PCDHGA4: variants seen among roughly 807,000 people sequenced by gnomAD.
PCDHGA4 encodes the protein protocadherin gamma subfamily A, 4.
A neutral mutation model predicts 54.6 loss-of-function variants in PCDHGA4; 38 were observed. The observed-to-expected ratio is 0.70, with a 90% CI of 0.54 to 0.91. PCDHGA4 has a LOEUF of 0.91. Ranked by LOEUF, PCDHGA4 falls within the 40% of genes least tolerant of loss-of-function variation. PCDHGA4 has a pLI of 0.00. For missense variants in PCDHGA4, 1,298 were observed against 1,220.9 expected (o/e 1.06, Z -0.94); for synonymous variants, 511 against 512.9 (o/e 1.00, Z 0.05).
At chr5:141,469,511 G>T (rs2099203340) in intron 1 of PCDHGA4, among the ~76,000 whole-genome samples, 2 of 152,038 alleles carry the variant, frequency 1.3e-5, no homozygotes, top group South Asian at 2.1e-4. Flanking sequence ...GGAGGTGGAG[G>T]TTGCAGTGAG....
intron 1 of PCDHGA4, among the ~76,000 whole-genome samples, chr5:141,473,404 T>A (rs953797915): frequency 6.6e-6 from 1 of 152,226 alleles, no homozygotes; most frequent in Non-Finnish European, 1.5e-5. Flanking sequence ...TCTTTTTTTC[T>A]TCTTCAGTGG....
At chr5:141,443,029 C>T (rs1281303741) in intron 1 of PCDHGA4, among the ~76,000 whole-genome samples, 3 of 152,192 alleles carry the variant, frequency 2.0e-5, no homozygotes, top group Non-Finnish European at 2.9e-5. Flanking sequence ...AGTTGCCAGA[C>T]CTAAACTTTG....
intron 1 of PCDHGA4, chr5:141,371,250 A>G: frequency 6.2e-7 from 1 of 1,614,054 alleles, no homozygotes; most frequent in Non-Finnish European, 8.5e-7. Context: ...CAATATTGGC[A>G]AGGAAGTGAG....
At chr5:141,370,954 A>G (rs1326457567) in intron 1 of PCDHGA4, 2 of 1,613,992 alleles carry the variant, frequency 1.2e-6, no homozygotes, top group Non-Finnish European at 1.7e-6. Context: ...GAGAACCTGG[A>G]TGGCAGTAGG....
chr5:141,417,942 C>A (rs1324501154), intron 1 of PCDHGA4: 19 of 1,613,208 alleles, frequency 1.2e-5, no homozygotes, highest in Non-Finnish European at 1.5e-5. Flanking sequence ...TTCTACCCCA[C>A]GCTGTGTGAG....
chr5:141,386,745 G>A (rs2090694894), intron 1 of PCDHGA4, among the ~76,000 whole-genome samples: 1 of 152,124 alleles, frequency 6.6e-6, no homozygotes, highest in Non-Finnish European at 1.5e-5. Context: ...AGATCCTATG[G>A]CAGAACTACG....
intron 1 of PCDHGA4, among the ~76,000 whole-genome samples, chr5:141,454,796 ATTTTTTTTTTT>A (rs61612330): frequency 0.01 from 775 of 77,498 alleles, 10 homozygotes; most frequent in African/African-American, 0.043. Context: ...CATGGTTCTA[ATTTTTTTTTTT>A]TTTTTTTTTT....
chr5:141,372,707 G>C, intron 1 of PCDHGA4: 1 of 1,613,964 alleles, frequency 6.2e-7, no homozygotes, highest in Non-Finnish European at 8.5e-7. Context: ...TCAATATAAA[G>C]GCTGAAAATG....
chr5:141,462,414 T>C (rs549473269), intron 1 of PCDHGA4, among the ~76,000 whole-genome samples: 1 of 152,360 alleles, frequency 6.6e-6, no homozygotes, highest in Non-Finnish European at 1.5e-5. Flanking sequence ...CAGAATATGG[T>C]CTATCTTGGT....
rs1383090266 is a variant in PCDHGA4, at chr5:141,388,828, T to C, written c.2514+31207T>C. 6.2e-7 allele frequency: 1 copy of C among 1,613,894 alleles called. No homozygotes were observed. Among genetic ancestry groups the C allele is most frequent in the South Asian group, 1.1e-5 (1 of 91,070 alleles). ...TTTGAAGAAGTCAAAGAATATTCCA[T>C]AGTTTTGGAAGCAAGGGACGGTGGA... On this transcript the variant is annotated intron_variant, in intron 1 of 3. Coordinates refer to ENST00000571252, the MANE Select transcript of PCDHGA4 (RefSeq NM_018917.4).
chr5:141,472,557 A>G (rs2099288029), intron 1 of PCDHGA4, among the ~76,000 whole-genome samples: 3 of 152,044 alleles, frequency 2.0e-5, no homozygotes, highest in Admixed American at 1.3e-4. Flanking sequence ...AAAAAATTAT[A>G]TTATAAATGC....
chr5:141,428,169 G>A (rs758370904), intron 1 of PCDHGA4: 1 of 1,540,076 alleles, frequency 6.5e-7, no homozygotes, highest in Non-Finnish European at 8.9e-7. Flanking sequence ...GTTGCTGTGC[G>A]TGACGGAGGA....
chr5:141,389,590 G>T (rs1409328445), intron 1 of PCDHGA4: 1 of 1,613,014 alleles, frequency 6.2e-7, no homozygotes, highest in Non-Finnish European at 8.5e-7. Context: ...GGTCCCGACG[G>T]CTCTGCGCTC....
At chr5:141,422,375 TCTC>T in intron 1 of PCDHGA4, 1 of 1,570,814 alleles carries the variant, frequency 6.4e-7, no homozygotes, top group Non-Finnish European at 8.6e-7. Context: ...AATGGTCAAG[TCTC>T]CTGTTTTATT....
At chr5:141,394,962 A>C (rs971000405) in intron 1 of PCDHGA4, 1 of 1,613,828 alleles carries the variant, frequency 6.2e-7, no homozygotes, top group Non-Finnish European at 8.5e-7. Context: ...GCTCAGGCTG[A>C]GGCGCTGGCA....
At position 141,392,979 on chromosome 5, in the gene PCDHGA4, C is replaced by A. The variant is rs1356713892; in HGVS notation, c.2514+35358C>A. 1.9e-6 allele frequency: 3 copies of A among 1,613,718 alleles called. No individual in the cohort carries two copies. In the South Asian group the frequency reaches 3.3e-5, roughly 18 times the overall value. ...TATCTCCAAGGACCTGGGGCTGGACCCCCGGAAGCTGGCGAAGCACGGAGT... is the reference window on the plus strand; with the variant it reads ...TATCTCCAAGGACCTGGGGCTGGACACCCGGAAGCTGGCGAAGCACGGAGT... On this transcript the variant is annotated intron_variant, in intron 1 of 3. Transcript: ENST00000571252.
chr5:141,383,391 G>C, intron 1 of PCDHGA4: 2 of 1,613,978 alleles, frequency 1.2e-6, no homozygotes, highest in Non-Finnish European at 1.7e-6. Flanking sequence ...ATGTGGGCAC[G>C]AACTCCCTCC....
At chr5:141,419,962 G>A in intron 1 of PCDHGA4, 1 of 1,614,092 alleles carries the variant, frequency 6.2e-7, no homozygotes, top group African/African-American at 1.3e-5. Context: ...TGATTTCTGT[G>A]CTCTTTCTCC....
At chr5:141,364,315 G>A (rs371423509) in intron 1 of PCDHGA4, 156 of 1,524,232 alleles carry the variant, frequency 1.0e-4, no homozygotes, top group Non-Finnish European at 1.2e-4. Flanking sequence ...AGAGAAAATT[G>A]GGCAGAGAGA....
Sources: allele counts gnomAD v4.1 joint callset (sites outside exome capture counted in the v4.1 genomes callset), GRCh38; gene constraint gnomAD v4.1.1; transcripts MANE v1.5; gene names NCBI Gene and HGNC (gene_info 2026-07-23, HGNC 2026-07-21).